TTLL11: variants seen among roughly 807,000 people sequenced by gnomAD.
TTLL11 encodes the protein tubulin tyrosine ligase like 11.
In TTLL11, 42 loss-of-function variants were observed where a neutral mutation model predicts 51.7. That is an observed-to-expected ratio of 0.81 (90% CI 0.64 to 1.05). The LOEUF is 1.05. Among genes scored for constraint, TTLL11 ranks in the 50% least tolerant of loss-of-function variants. The pLI is 0.00. For synonymous variants in TTLL11, 381 were observed against 383.5 expected, an observed-to-expected ratio of 0.99 and a Z score of 0.08; for missense variants, 799 against 940.4, an observed-to-expected ratio of 0.85 and a Z score of 1.97.
intron 3 of TTLL11, among the ~76,000 whole-genome samples, chr9:121,998,575 C>T (rs768037646): frequency 1.3e-4 from 19 of 151,438 alleles, no homozygotes; most frequent in Non-Finnish European, 1.8e-4. Context: ...TGTGAGGCAC[C>T]GCACCCAGCC....
At chr9:121,957,048 C>T (rs10985468) in intron 6 of TTLL11, among the ~76,000 whole-genome samples, 30,513 of 152,140 alleles carry the variant, frequency 0.2, 3,239 homozygotes, top group Middle Eastern at 0.21. Flanking sequence ...TGTGCCCTCC[C>T]CACTGCATGT....
chr9:121,907,502 T>G (rs1251505387), intron 6 of TTLL11, among the ~76,000 whole-genome samples: 1 of 151,200 alleles, frequency 6.6e-6, no homozygotes, highest in Non-Finnish European at 1.5e-5. Context: ...AGCTTGTCCG[T>G]GGATGAAGGA....
chr9:121,946,208 G>C (rs370742312), intron 6 of TTLL11, among the ~76,000 whole-genome samples: 1 of 152,202 alleles, frequency 6.6e-6, no homozygotes, highest in South Asian at 2.1e-4. Context: ...AGTGCCCTGG[G>C]CCTGGGGGTG....
intron 6 of TTLL11, among the ~76,000 whole-genome samples, chr9:121,959,658 C>T (rs932512717): frequency 2.6e-5 from 4 of 152,168 alleles, no homozygotes; most frequent in East Asian, 1.9e-4. Flanking sequence ...CCCCAAAACT[C>T]GTAACTGTCC....
chr9:122,092,567 C>A, intron 1 of TTLL11, 120 bp downstream of exon 1: 3 of 1,452,326 alleles, frequency 2.1e-6, no homozygotes, highest in South Asian at 1.4e-5. Context: ...CAGGCCCGAG[C>A]GTGGTGCACC....
chr9:121,889,252 GAC>G (rs1180727669), intron 6 of TTLL11, among the ~76,000 whole-genome samples: 1 of 152,010 alleles, frequency 6.6e-6, no homozygotes, highest in East Asian at 1.9e-4. Context: ...AATAGTGAGA[GAC>G]AGAGAGAGCT....
At chr9:122,073,595 C>T (rs1057015601) in intron 1 of TTLL11, among the ~76,000 whole-genome samples, 2 of 151,974 alleles carry the variant, frequency 1.3e-5, no homozygotes, top group South Asian at 2.1e-4. Flanking sequence ...TAAGCTGAGA[C>T]CTGAAGACAG....
chr9:122,090,227 C>T (rs1465147908), intron 1 of TTLL11, among the ~76,000 whole-genome samples: 1 of 152,052 alleles, frequency 6.6e-6, no homozygotes, highest in East Asian at 1.9e-4. Flanking sequence ...CTGTCCACCC[C>T]TACTTTACAG....
chr9:121,827,637 G>T (rs1384492273), intron 8 of TTLL11, among the ~76,000 whole-genome samples: 1 of 152,232 alleles, frequency 6.6e-6, no homozygotes, highest in Non-Finnish European at 1.5e-5. Context: ...TGCACGCCAT[G>T]AGCATATGGG....
intron 8 of TTLL11, among the ~76,000 whole-genome samples, chr9:121,838,942 G>A (rs1031552532): frequency 1.2e-4 from 19 of 152,116 alleles, no homozygotes; most frequent in African/African-American, 3.9e-4. Context: ...TCCAGCTGCC[G>A]CTGTAACCCA....
intron 6 of TTLL11, among the ~76,000 whole-genome samples, chr9:121,952,408 T>C (rs1841878145): frequency 7.1e-6 from 1 of 141,622 alleles, no homozygotes; most frequent in African/African-American, 2.7e-5. Context: ...ATCACGCCAC[T>C]GCACTCCAGC....
At chr9:121,860,282 C>T in intron 8 of TTLL11, 55 bp downstream of exon 8, 1 of 1,356,136 alleles carries the variant, frequency 7.4e-7, no homozygotes, top group Non-Finnish European at 1.0e-6. Context: ...AGAAAATATA[C>T]CACCCATGCC....
intron 3 of TTLL11, among the ~76,000 whole-genome samples, chr9:122,022,009 G>T (rs556378297): frequency 2.2e-4 from 34 of 152,294 alleles, no homozygotes; most frequent in African/African-American, 8.2e-4. Context: ...CAATATGTGA[G>T]ATAAGAGATT....
intron 3 of TTLL11, among the ~76,000 whole-genome samples, chr9:121,997,998 A>G (rs1843331526): frequency 6.6e-6 from 1 of 152,194 alleles, no homozygotes; most frequent in Non-Finnish European, 1.5e-5. Context: ...TCCTACTGAG[A>G]GCCCAGAAGA....
intron 3 of TTLL11, among the ~76,000 whole-genome samples, chr9:122,013,305 T>C (rs1843870171): frequency 6.6e-6 from 1 of 152,134 alleles, no homozygotes; most frequent in Non-Finnish European, 1.5e-5. Flanking sequence ...AGGATTGGGA[T>C]CAGAGGACAG....
At chr9:121,829,534 C>CA (rs912870895) in intron 8 of TTLL11, among the ~76,000 whole-genome samples, 4 of 151,906 alleles carry the variant, frequency 2.6e-5, no homozygotes, top group Admixed American at 2.6e-4. Flanking sequence ...GAGGAAAAAA[C>CA]AAAAAATAAA....
intron 1 of TTLL11, among the ~76,000 whole-genome samples, chr9:122,046,229 G>A (rs990035062): frequency 3.3e-5 from 5 of 152,000 alleles, no homozygotes; most frequent in Admixed American, 6.6e-5. Flanking sequence ...TGCTGCTCTC[G>A]TGACAGTGAA....
chr9:121,899,393 A>ATATATATATATATATG (rs1564295478), intron 6 of TTLL11, among the ~76,000 whole-genome samples: 2 of 127,898 alleles, frequency 1.6e-5, no homozygotes, highest in East Asian at 2.7e-4. Flanking sequence ...ATATATATAT[A>ATATATATATATATATG]TATATATATA....
intron 3 of TTLL11, among the ~76,000 whole-genome samples, chr9:121,998,438 C>T (rs1042041268): frequency 6.6e-6 from 1 of 152,120 alleles, no homozygotes; most frequent in Non-Finnish European, 1.5e-5. Context: ...AGGCACCCGC[C>T]ACCACATTCG....
Sources: allele counts gnomAD v4.1 joint callset (sites outside exome capture counted in the v4.1 genomes callset), GRCh38; gene constraint gnomAD v4.1.1; transcripts MANE v1.5; gene names NCBI Gene and HGNC (gene_info 2026-07-23, HGNC 2026-07-21).